INSC: variants seen among roughly 807,000 people sequenced by gnomAD.
INSC encodes the protein INSC spindle orientation adaptor protein.
In INSC, 67 loss-of-function variants were observed where a neutral mutation model predicts 58.6. The observed-to-expected ratio is 1.14, with a 90% CI of 0.94 to 1.40. The LOEUF (loss-of-function observed/expected upper bound fraction) is 1.40, where lower values mean the gene tolerates loss of function less well. INSC is among the 40% of genes most tolerant of loss of function. The pLI is 0.00. For synonymous variants in INSC, 262 were observed against 276.1 expected (o/e 0.95, Z 0.51); for missense variants, 714 against 692.0 (o/e 1.03, Z -0.36).
chr11:15,216,687 T>C (rs185699983), intron 7 of INSC, among the ~76,000 whole-genome samples: 10 of 152,352 alleles, frequency 6.6e-5, no homozygotes, highest in African/African-American at 2.4e-4. Flanking sequence ...GCATGACTGA[T>C]GGATGTCTAA....
chr11:15,238,939 A>T lies in INSC; in HGVS notation c.1258A>T (p.Met420Leu). The T allele has an allele frequency of 6.2e-7, 1 of 1,614,170 alleles. No individual in the cohort carries two copies. The highest frequency in any genetic ancestry group is 1.1e-5 in the South Asian group (1 of 91,086). Residue 420 changes from methionine (M) to leucine (L), a missense_variant, in exon 11 of 13, where the codon ATG becomes TTG. Coordinates refer to ENST00000379556, the MANE Select transcript of INSC (RefSeq NM_001042536.3). Reference protein sequence around the residue: ...QENGVQLIMGMLSEKPRSGTP... With the variant: ...QENGVQLIMGLLSEKPRSGTP... ...CCTAGGGGTCCAGCTTATCATGGGC[A>T]TGCTGTCTGAAAAACCAAGGTCTGG...
At chr11:15,164,997 T>G (rs191836327) in intron 2 of INSC, among the ~76,000 whole-genome samples, 2 of 152,194 alleles carry the variant, frequency 1.3e-5, no homozygotes, top group Non-Finnish European at 2.9e-5. Context: ...TCCTTATAAA[T>G]TACCCAGGCT....
At position 15,175,896 on chromosome 11, in the gene INSC, G is replaced by T. The variant is rs201704069; in HGVS notation, c.212G>T (p.Gly71Val). The T allele has an allele frequency of 3.2e-4, 518 of 1,614,020 alleles. No homozygotes were observed. Among genetic ancestry groups the T allele is most frequent in the Non-Finnish European group, 4.2e-4 (498 of 1,179,984 alleles). ...ATCCTGGCAGGTGGCCCTGGCCCTG[G>T]AGACCCCCTGCAGCTGCTGCTCAAA... ...DLILAGGPGP[G>V]DPLQLLLKRG... The change falls in exon 3 of 13, where the codon GGA (glycine) becomes GTA (valine). Residue 71 changes from glycine (G) to valine (V), a missense_variant. Coordinates refer to ENST00000379556, the MANE Select transcript of INSC (RefSeq NM_001042536.3).
At chr11:15,236,255 G>C (rs1279870027) in intron 10 of INSC, among the ~76,000 whole-genome samples, 1 of 151,800 alleles carries the variant, frequency 6.6e-6, no homozygotes, top group Non-Finnish European at 1.5e-5. Context: ...AGTGCCCCGG[G>C]GAAAATGAAG....
chr11:15,176,075 G>A lies in INSC; in HGVS notation c.391G>A (p.Glu131Lys), dbSNP rs1849565108. ...TGCTGTCAGCAGGAACTCCTTGAAGGAAATGGGCGAGGTCAGCTGCCCTGG... is the reference window on the plus strand; with the variant it reads ...TGCTGTCAGCAGGAACTCCTTGAAGAAAATGGGCGAGGTCAGCTGCCCTGG... ...YSAVSRNSLK[E>K]MGEIEKLLME... Residue 131 changes from glutamate (E) to lysine (K), a missense_variant, in exon 3 of 13, where the codon GAA becomes AAA. Transcript: ENST00000379556. 3.3e-6 allele frequency: 5 copies of A among 1,523,118 alleles called. No individual in the cohort carries two copies. The highest frequency in any genetic ancestry group is 1.4e-5 in the African/African-American group (1 of 73,062). The allele number at this position is 1,523,118 out of a possible 1,614,324, so 94.4% of individuals were successfully genotyped here. A position where few individuals can be genotyped will look rare whatever the true frequency, so the allele number is the denominator to read the frequency against.
chr11:15,195,651 A>G (rs998826709), intron 6 of INSC, among the ~76,000 whole-genome samples: 17 of 152,196 alleles, frequency 1.1e-4, no homozygotes, highest in Non-Finnish European at 2.5e-4. Context: ...CCTCCTGCAG[A>G]TTTAGTCTCC....
chr11:15,194,105 C>T (rs1205895629), intron 6 of INSC, among the ~76,000 whole-genome samples: 1 of 152,184 alleles, frequency 6.6e-6, no homozygotes. Flanking sequence ...AATTAATTAG[C>T]TTCATGGTTA....
At chr11:15,144,382 G>C (rs974939831) in intron 1 of INSC, among the ~76,000 whole-genome samples, 2 of 152,196 alleles carry the variant, frequency 1.3e-5, no homozygotes, top group African/African-American at 2.4e-5. Flanking sequence ...TGCTCTCTAA[G>C]GGCCTTTTCA....
At position 15,149,169 on chromosome 11, in the gene INSC, A is replaced by T. The variant is rs751557659; in HGVS notation, c.-6A>T. 5 of 1,611,366 alleles carry T rather than the reference A, an allele frequency of 3.1e-6. No individual in the cohort carries two copies. The African/African-American group carries it at 6.7e-5, about 22-fold the overall frequency. ...CAAGCAGGCTTTGCTGCAGATTGGG[A>T]TCAACATGATGGCACTGCCTGGAGG... On this transcript the variant is annotated 5_prime_UTR_variant, in exon 2 of 13. Coordinates refer to ENST00000379556, the MANE Select transcript of INSC (RefSeq NM_001042536.3).
intron 2 of INSC, among the ~76,000 whole-genome samples, chr11:15,162,772 C>T (rs1590381889): frequency 6.6e-6 from 1 of 152,084 alleles, no homozygotes; most frequent in South Asian, 2.1e-4. Context: ...AGTATGTTGG[C>T]CATGCACTCT....
At chr11:15,129,105 C>T (rs1848066518) in intron 1 of INSC, among the ~76,000 whole-genome samples, 1 of 152,152 alleles carries the variant, frequency 6.6e-6, no homozygotes, top group African/African-American at 2.4e-5. Flanking sequence ...CCCTCACATA[C>T]CAGTCAAGAA....
intron 2 of INSC, among the ~76,000 whole-genome samples, chr11:15,175,063 T>C (rs1471771695): frequency 6.6e-6 from 1 of 152,210 alleles, no homozygotes; most frequent in African/African-American, 2.4e-5. Context: ...AAAAGTAATA[T>C]ACATGCTCAC....
At chr11:15,177,635 C>T (rs1005248106) in intron 4 of INSC, among the ~76,000 whole-genome samples, 6 of 152,356 alleles carry the variant, frequency 3.9e-5, no homozygotes, top group Admixed American at 1.3e-4. Context: ...ATATTTCACA[C>T]ACATAAACCT....
chr11:15,168,719 C>G (rs944337889), intron 2 of INSC, among the ~76,000 whole-genome samples: 5 of 152,084 alleles, frequency 3.3e-5, no homozygotes, highest in African/African-American at 1.2e-4. Flanking sequence ...GAAGTTTACT[C>G]AAAACACAAA....
At chr11:15,165,413 C>T (rs1849160926) in intron 2 of INSC, among the ~76,000 whole-genome samples, 1 of 152,092 alleles carries the variant, frequency 6.6e-6, no homozygotes, top group African/African-American at 2.4e-5. Flanking sequence ...TAATAATCAC[C>T]AAAAGCCCAG....
At chr11:15,183,864 C>A (rs2679637) in intron 5 of INSC, among the ~76,000 whole-genome samples, 111,272 of 152,080 alleles carry the variant, frequency 0.73, 41,465 homozygotes, top group East Asian at 0.99. Context: ...TTTAAGATAA[C>A]AATTAAAGTC....
chr11:15,206,254 C>A (rs1046549299), intron 7 of INSC, among the ~76,000 whole-genome samples: 2 of 152,162 alleles, frequency 1.3e-5, no homozygotes, highest in African/African-American at 4.8e-5. Context: ...GGAGGCCCCA[C>A]CTCTGGTGGG....
chr11:15,112,590 G>T (rs779484295), upstream of INSC: 10 of 1,207,842 alleles, frequency 8.3e-6, no homozygotes, highest in Non-Finnish European at 9.1e-6. Context: ...AGGTGGATGT[G>T]AGTGTGTGTG....
intron 7 of INSC, among the ~76,000 whole-genome samples, chr11:15,219,230 A>G (rs1283258082): frequency 6.6e-6 from 1 of 152,176 alleles, no homozygotes; most frequent in East Asian, 1.9e-4. Flanking sequence ...CAGCTGGTCC[A>G]CAGACCTCAC....
Sources: gnomAD v4.1 joint callset for allele counts (sites outside exome capture counted in the v4.1 genomes callset) on GRCh38, gnomAD v4.1.1 for gene constraint, MANE v1.5 for transcripts, NCBI Gene and HGNC (gene_info 2026-07-23, HGNC 2026-07-21) for gene names.